Variants in GPHN observed in about 807,000 individuals in gnomAD.
GPHN encodes the protein gephyrin.
GPHN carries 17 observed loss-of-function variants against 95.5 expected under a neutral mutation model. The ratio of observed to expected loss-of-function variants is 0.18; its 90% CI spans 0.12 to 0.27. GPHN has a LOEUF of 0.27. Ranked by LOEUF, GPHN falls within the 10% of genes least tolerant of loss-of-function variation. The pLI, the probability that GPHN is intolerant of heterozygous loss-of-function variation, is 1.00. For missense variants in GPHN, 660 were observed against 978.1 expected, an observed-to-expected ratio of 0.67 and a Z score of 4.34; for synonymous variants, 320 against 322.5, an observed-to-expected ratio of 0.99 and a Z score of 0.08.
At chr14:67,526,250 C>A in the GPHN span, among the ~76,000 whole-genome samples, 44,507 of 152,148 alleles carry the variant, frequency 0.29, 7,568 homozygotes, top group East Asian at 0.4. Flanking sequence ...CGGTCTAGTG[C>A]CAGCTCTGTA....
Position 67,070,310 on chromosome 14 carries a change from AT to A in GPHN, c.1144+11525del, listed in dbSNP as rs1228813292. Among the ~76,000 whole-genome samples the A allele has an allele frequency of 2.8e-5, 4 of 143,984 alleles. No individual in the cohort carries two copies. In the Admixed American group the frequency reaches 2.8e-4, roughly 10 times the overall value. 94.5% of individuals were successfully genotyped at this position (143,984 alleles called of 152,430 possible). On this transcript the variant is annotated intron_variant, in intron 11 of 22. Transcript: ENST00000478722. The stretch of plus-strand genomic sequence containing the variant: ...TATGTTTGTGTGTGTGTGTATATAT[AT>A]ATACATTTTAAATATTTTTATATAT...
At chr14:66,910,097 T>C (rs1218632488) in intron 5 of GPHN, among the ~76,000 whole-genome samples, 1 of 151,984 alleles carries the variant, frequency 6.6e-6, no homozygotes, top group African/African-American at 2.4e-5. Flanking sequence ...ATAGGTTCTA[T>C]GCAGAATCGA....
chr14:66,557,202 G>A (rs2060034655), intron 1 of GPHN, among the ~76,000 whole-genome samples: 2 of 151,010 alleles, frequency 1.3e-5, no homozygotes, highest in South Asian at 4.2e-4. Flanking sequence ...GCATGACCCT[G>A]TCTGAAATAG....
intron 1 of GPHN, among the ~76,000 whole-genome samples, chr14:66,670,810 TA>T (rs2066263823): frequency 6.6e-6 from 1 of 151,804 alleles, no homozygotes; most frequent in Non-Finnish European, 1.5e-5. Flanking sequence ...AATAAATAAA[TA>T]AAAAGAGGCC....
intron 5 of GPHN, among the ~76,000 whole-genome samples, chr14:66,899,403 T>TGAA (rs200993755): frequency 0.012 from 1,829 of 152,078 alleles, 19 homozygotes; most frequent in Non-Finnish European, 0.018. Flanking sequence ...ACATTTCTTA[T>TGAA]AAAAGCTCTT....
chr14:67,451,401 C>T, the GPHN span, among the ~76,000 whole-genome samples: 4 of 152,234 alleles, frequency 2.6e-5, no homozygotes, highest in African/African-American at 9.6e-5. Flanking sequence ...GGAAAAGCCA[C>T]AGACACTCAA....
At chr14:67,090,086 T>C (rs2077086597) in intron 12 of GPHN, among the ~76,000 whole-genome samples, 1 of 152,116 alleles carries the variant, frequency 6.6e-6, no homozygotes, top group African/African-American at 2.4e-5. Flanking sequence ...CTATGATACA[T>C]TGTTATTATG....
At chr14:66,686,392 T>C (rs2067363421) in intron 2 of GPHN, among the ~76,000 whole-genome samples, 2 of 152,230 alleles carry the variant, frequency 1.3e-5, no homozygotes, top group Admixed American at 6.5e-5. Context: ...GGAATAAATG[T>C]TCTTCCATTT....
At chr14:67,313,267 A>G in the GPHN span, among the ~76,000 whole-genome samples, 13 of 152,364 alleles carry the variant, frequency 8.5e-5, no homozygotes, top group South Asian at 2.7e-3. Flanking sequence ...GATACAAAAT[A>G]GAACAAAGTA....
At chr14:67,021,776 A>T (rs2073641127) in intron 9 of GPHN, among the ~76,000 whole-genome samples, 1 of 152,094 alleles carries the variant, frequency 6.6e-6, no homozygotes, top group African/African-American at 2.4e-5. Context: ...GGAAGGGCTT[A>T]AAGATGAACT....
chr14:66,554,047 A>G (rs1018136909), intron 1 of GPHN, among the ~76,000 whole-genome samples: 13 of 152,170 alleles, frequency 8.5e-5, no homozygotes, highest in Admixed American at 2.0e-4. Flanking sequence ...TCTTATTATG[A>G]AATGATTCTA....
the GPHN span, chr14:67,651,577 T>C: frequency 7.3e-7 from 1 of 1,364,764 alleles, no homozygotes; most frequent in South Asian, 1.4e-5. Flanking sequence ...CTGGATACTC[T>C]GAGGCTGTAT....
intron 9 of GPHN, among the ~76,000 whole-genome samples, chr14:66,968,301 A>G (rs973291902): frequency 1.3e-5 from 2 of 152,032 alleles, no homozygotes; most frequent in African/African-American, 2.4e-5. Flanking sequence ...AGTTTAATGC[A>G]TCTTGATTGG....
chr14:66,512,395 A>G (rs995712093), intron 1 of GPHN, among the ~76,000 whole-genome samples: 1 of 151,876 alleles, frequency 6.6e-6, no homozygotes, highest in Non-Finnish European at 1.5e-5. Flanking sequence ...AGATTATTCC[A>G]TTGGCTACTG....
intron 1 of GPHN, among the ~76,000 whole-genome samples, chr14:66,673,370 G>A (rs186520769): frequency 2.0e-5 from 3 of 152,288 alleles, no homozygotes; most frequent in African/African-American, 7.2e-5. Context: ...GGAAATACAG[G>A]TGTGAGCCAC....
intron 8 of GPHN, among the ~76,000 whole-genome samples, chr14:66,932,050 T>C (rs1187814493): frequency 6.6e-6 from 1 of 152,228 alleles, no homozygotes; most frequent in African/African-American, 2.4e-5. Context: ...GTCTGGTCAC[T>C]GAGGCCATAT....
At chr14:66,765,454 A>G (rs1057119986) in intron 2 of GPHN, among the ~76,000 whole-genome samples, 8 of 152,110 alleles carry the variant, frequency 5.3e-5, no homozygotes, top group Non-Finnish European at 1.2e-4. Flanking sequence ...GAATGAGAGC[A>G]TGTCTTTTGC....
At chr14:66,932,784 C>T (rs2066896583) in intron 8 of GPHN, among the ~76,000 whole-genome samples, 2 of 151,876 alleles carry the variant, frequency 1.3e-5, no homozygotes, top group Admixed American at 6.6e-5. Flanking sequence ...ACAGTGAATG[C>T]CTTTCTGGCC....
the GPHN span, among the ~76,000 whole-genome samples, chr14:67,343,771 G>A: frequency 6.6e-6 from 1 of 152,228 alleles, no homozygotes; most frequent in African/African-American, 2.4e-5. Flanking sequence ...TTGGTAATCT[G>A]TGATGGGAGG....
Sources: gnomAD v4.1 joint callset for allele counts (sites outside exome capture counted in the v4.1 genomes callset) on GRCh38, gnomAD v4.1.1 for gene constraint, MANE v1.5 for transcripts, NCBI Gene and HGNC (gene_info 2026-07-23, HGNC 2026-07-21) for gene names.